The following BMP5 variants were observed in gnomAD, a reference collection of about 807,000 sequenced individuals.
BMP5 encodes the protein bone morphogenetic protein 5.
BMP5 carries 23 observed loss-of-function variants against 46.6 expected under a neutral mutation model. The ratio of observed to expected loss-of-function variants is 0.49; its 90% CI spans 0.35 to 0.70. The LOEUF (loss-of-function observed/expected upper bound fraction) is 0.70, where lower values mean the gene tolerates loss of function less well. Among genes scored for constraint, BMP5 ranks in the 30% least tolerant of loss-of-function variants. The pLI, the probability that BMP5 is intolerant of heterozygous loss-of-function variation, is 0.00. For missense variants in BMP5, 545 were observed against 565.6 expected, an observed-to-expected ratio of 0.96 and a Z score of 0.37; for synonymous variants, 204 against 191.9, an observed-to-expected ratio of 1.06 and a Z score of -0.52.
chr6:55,758,544 T>C (rs965637926), intron 6 of BMP5, among the ~76,000 whole-genome samples: 9 of 151,944 alleles, frequency 5.9e-5, no homozygotes, highest in Non-Finnish European at 1.3e-4. Flanking sequence ...GAAATAGAAA[T>C]TAGCTTCCTA....
chr6:55,814,967 T>C lies in BMP5; in HGVS notation c.683+4688A>G, dbSNP rs189750111. Among the ~76,000 whole-genome samples, 754 of 152,056 alleles carry C rather than the reference T, an allele frequency of 5.0e-3. 5 individuals are homozygous for C. The highest frequency in any genetic ancestry group is 0.048 in the Middle Eastern group (14 of 292). On this transcript the variant is annotated intron_variant, in intron 2 of 6. Coordinates refer to ENST00000370830, the MANE Select transcript of BMP5 (RefSeq NM_021073.4). ...GATCAACATGGTGAAATCCCCTCTC[T>C]ACTAAAAATACAAAAATTAGCCAGG...
intron 2 of BMP5, among the ~76,000 whole-genome samples, chr6:55,818,178 A>G (rs1453728954): frequency 6.6e-6 from 1 of 151,906 alleles, no homozygotes; most frequent in Non-Finnish European, 1.5e-5. Flanking sequence ...GGTTGTCTAC[A>G]TGGGATGACT....
intron 3 of BMP5, among the ~76,000 whole-genome samples, chr6:55,776,446 CAAAAGAAAAAA>C (rs773806600): frequency 1.1e-3 from 137 of 129,330 alleles, no homozygotes; most frequent in Admixed American, 2.4e-3. Flanking sequence ...GAGAGCTTAG[CAAAAGAAAAAA>C]AAAAGAACTG....
intron 4 of BMP5, among the ~76,000 whole-genome samples, chr6:55,763,548 T>C (rs995919006): frequency 2.0e-4 from 31 of 152,142 alleles, no homozygotes; most frequent in Non-Finnish European, 3.8e-4. Flanking sequence ...GAATAAGCCG[T>C]AGGAGGAAGG....
intron 1 of BMP5, among the ~76,000 whole-genome samples, chr6:55,837,399 G>A (rs1426719652): frequency 7.1e-6 from 1 of 141,310 alleles, no homozygotes; most frequent in East Asian, 2.0e-4. Context: ...AGAAGAGATA[G>A]GCAGGCAGAC....
At position 55,755,540 on chromosome 6, in the gene BMP5, C is replaced by T. The variant is rs1162290178; in HGVS notation, c.1358G>A (p.Cys453Tyr). The change falls in exon 7 of 7, where the codon TGC (cysteine) becomes TAC (tyrosine). Residue 453 changes from cysteine to tyrosine, a missense_variant. By Grantham distance (194) the Cys-to-Tyr change is radical. Coordinates refer to ENST00000370830, the MANE Select transcript of BMP5 (RefSeq NM_021073.4). ...YRNMVVRSCG[C>Y]H ...TATCAATATTATTTAATATTAGTGG[C>T]AGCCACATGAGCGTACTACCATATT... The T allele has an allele frequency of 1.2e-6, 2 of 1,609,162 alleles. No homozygotes were observed. Among genetic ancestry groups the T allele is most frequent in the South Asian group, 1.1e-5 (1 of 90,856 alleles).
intron 4 of BMP5, among the ~76,000 whole-genome samples, chr6:55,769,461 A>G (rs188379032): frequency 1.2e-4 from 18 of 151,946 alleles, no homozygotes; most frequent in Admixed American, 6.6e-4. Context: ...CCAGTCATAT[A>G]TTCAGGTTCC....
chr6:55,781,893 A>T (rs1775327291), intron 3 of BMP5, among the ~76,000 whole-genome samples: 1 of 151,998 alleles, frequency 6.6e-6, no homozygotes, highest in Non-Finnish European at 1.5e-5. Flanking sequence ...TATTTGTTAA[A>T]TATTTGACCT....
chr6:55,875,363 G>C lies in BMP5; in HGVS notation c.-498C>G, dbSNP rs1338995257. On this transcript the variant is annotated 5_prime_UTR_variant, in exon 1 of 7. Transcript: ENST00000370830. ...CAGATCTATGCTGATCTGCACCTTG[G>C]TGTTGGAATATATATCTGTCCGGCA... 6.0e-6 allele frequency: 1 copy of C among 167,680 alleles called. No individual in the cohort carries two copies. The highest frequency in any genetic ancestry group is 1.3e-5 in the Non-Finnish European group (1 of 76,918). 10.4% of individuals were successfully genotyped at this position (167,680 alleles called of 1,614,324 possible). A position where few individuals can be genotyped will look rare whatever the true frequency, so the allele number is the denominator to read the frequency against.
chr6:55,868,701 T>C (rs943824615), intron 1 of BMP5, among the ~76,000 whole-genome samples: 2 of 152,224 alleles, frequency 1.3e-5, no homozygotes, highest in Non-Finnish European at 2.9e-5. Flanking sequence ...TACTTGGTTA[T>C]GCAGATTGTT....
chr6:55,843,656 T>C (rs1777021285), intron 1 of BMP5, among the ~76,000 whole-genome samples: 1 of 152,016 alleles, frequency 6.6e-6, no homozygotes, highest in African/African-American at 2.4e-5. Context: ...TAATCTGAGA[T>C]TAAGGGAAAA....
chr6:55,873,273 G>A (rs530710398), intron 1 of BMP5, among the ~76,000 whole-genome samples: 16 of 151,992 alleles, frequency 1.1e-4, no homozygotes, highest in African/African-American at 3.1e-4. Flanking sequence ...AATAAAACAT[G>A]TTAATTTTAA....
At chr6:55,844,885 A>G (rs566421011) in intron 1 of BMP5, among the ~76,000 whole-genome samples, 1 of 152,136 alleles carries the variant, frequency 6.6e-6, no homozygotes, top group South Asian at 2.1e-4. Flanking sequence ...ATGTTTAGCT[A>G]AAAATGTATA....
chr6:55,759,159 A>AC, intron 5 of BMP5, 44 bp from the exon 6 acceptor site: 1 of 778,164 alleles, frequency 1.3e-6, no homozygotes, highest in East Asian at 3.3e-5. Flanking sequence ...AAAAAAAAAA[A>AC]AAAAAAAAAA....
Position 55,794,293 on chromosome 6 carries a change from G to A in BMP5, c.818C>T (p.Ala273Val), listed in dbSNP as rs1394954307. The A allele has an allele frequency of 1.2e-6, 2 of 1,613,742 alleles. No homozygotes were observed. Among genetic ancestry groups the A allele is most frequent in the South Asian group, 1.1e-5 (1 of 91,076 alleles). ...TCAGTGCTTACCATCCCCTGTTTCT[G>A]CACAGAGCTGTAAGCCCAAATTATT... ...PQNNLGLQLC[A>V]ETGDGRSINV... The change falls in exon 3 of 7, where the codon GCA becomes GTA. Residue 273 changes from alanine (A) to valine (V), a missense_variant. Ala to Val is a moderately conservative substitution (Grantham distance 64). Transcript: ENST00000370830.
At chr6:55,777,723 A>G (rs192609346) in intron 3 of BMP5, among the ~76,000 whole-genome samples, 1 of 152,094 alleles carries the variant, frequency 6.6e-6, no homozygotes, top group East Asian at 1.9e-4. Flanking sequence ...GATGAGCTGC[A>G]GTGATATTTT....
rs1484599566 is a variant in BMP5, at chr6:55,875,404, T to C, written c.-539A>G. The C allele has an allele frequency of 6.2e-6, 1 of 160,534 alleles. No homozygotes were observed. Among genetic ancestry groups the C allele is most frequent in the Non-Finnish European group, 1.4e-5 (1 of 72,796 alleles). The allele number at this position is 160,534 out of a possible 1,614,324, so 9.9% of individuals were successfully genotyped here. A position where few individuals can be genotyped will look rare whatever the true frequency, so the allele number is the denominator to read the frequency against. On this transcript the variant is annotated 5_prime_UTR_variant, in exon 1 of 7. Transcript: ENST00000370830. Reference sequence around the variant, plus strand: ...CTGTCCGGCAGCTTGGTGATAACTTTAACATCTTTTGTGTCGTCTTAGTGT... The same window carrying C: ...CTGTCCGGCAGCTTGGTGATAACTTCAACATCTTTTGTGTCGTCTTAGTGT...
chr6:55,760,110 A>G (rs1347284665), intron 5 of BMP5, among the ~76,000 whole-genome samples: 2 of 151,954 alleles, frequency 1.3e-5, no homozygotes, highest in African/African-American at 4.8e-5. Flanking sequence ...AGACCCTCAG[A>G]GGCTTAGTGG....
chr6:55,764,430 A>G (rs369622264), intron 4 of BMP5, among the ~76,000 whole-genome samples: 4,190 of 152,048 alleles, frequency 0.028, 78 homozygotes, highest in Middle Eastern at 0.054. Context: ...AAAATTAGCC[A>G]GGCGTAGTGG....
Sources: gnomAD v4.1 joint callset for allele counts (sites outside exome capture counted in the v4.1 genomes callset) on GRCh38, gnomAD v4.1.1 for gene constraint, MANE v1.5 for transcripts, NCBI Gene and HGNC (gene_info 2026-07-23, HGNC 2026-07-21) for gene names.